VSTM2A: variants seen among roughly 807,000 people sequenced by gnomAD.
VSTM2A encodes the protein V-set and transmembrane domain containing 2A.
VSTM2A carries 13 observed loss-of-function variants against 27.3 expected under a neutral mutation model. The ratio of observed to expected loss-of-function variants is 0.48; its 90% confidence interval spans 0.31 to 0.76. VSTM2A has a LOEUF of 0.76. VSTM2A is among the 30% of genes least tolerant of loss of function. VSTM2A has a pLI of 0.05. For missense variants in VSTM2A, 280 were observed against 310.0 expected (o/e 0.90, Z 0.73); for synonymous variants, 142 against 125.7 (o/e 1.13, Z -0.87).
chr7:54,556,925 C>T (rs1325078926), intron 4 of VSTM2A: 2 of 152,206 alleles, frequency 1.3e-5, no homozygotes, highest in East Asian at 1.9e-4. Flanking sequence ...ACGGAATTTG[C>T]CAGTGTTCTA....
At chr7:54,565,771 T>G (rs958057399) in intron 4 of VSTM2A, among the ~76,000 whole-genome samples, 1 of 152,242 alleles carries the variant, frequency 6.6e-6, no homozygotes. Flanking sequence ...TGCTTTCTTT[T>G]TGTAATGAAA....
At chr7:54,547,054 C>G in intron 3 of VSTM2A, 57 bp downstream of exon 3, 1 of 1,505,044 alleles carries the variant, frequency 6.6e-7, no homozygotes, top group Admixed American at 2.1e-5. Context: ...ACAGCCCTTC[C>G]CTGTCCCCGA....
At chr7:54,568,285 AC>A (rs938760707) in intron 4 of VSTM2A, among the ~76,000 whole-genome samples, 4 of 152,116 alleles carry the variant, frequency 2.6e-5, no homozygotes, top group East Asian at 1.9e-4. Context: ...CCCCACACTT[AC>A]CCCCTTCGAA....
At chr7:54,546,820 C>CCTGGTCGCTCCCCTGTCCT (rs1251920239) in intron 2 of VSTM2A, 127 bp from the exon 3 acceptor site, 11 of 1,304,654 alleles carry the variant, frequency 8.4e-6, no homozygotes, top group Non-Finnish European at 1.1e-5. Flanking sequence ...TGGCCACGCC[C>CCTGGTCGCTCCCCTGTCCT]CTGGTCGCTC....
At chr7:54,555,634 A>G (rs1435443236) in intron 4 of VSTM2A, among the ~76,000 whole-genome samples, 2 of 152,200 alleles carry the variant, frequency 1.3e-5, no homozygotes, top group Non-Finnish European at 2.9e-5. Flanking sequence ...TTAGTGCTCA[A>G]AGTCACACAT....
intron 2 of VSTM2A, chr7:54,546,191 A>G (rs1787959213): frequency 1.3e-5 from 2 of 150,202 alleles, no homozygotes; most frequent in African/African-American, 2.5e-5. Context: ...AAAAGGAGAG[A>G]AGAGAGGAAG....
chr7:54,544,704 C>T lies in VSTM2A; in HGVS notation c.162C>T (p.Ser54=), dbSNP rs1307865485. The stretch of plus-strand genomic sequence containing the variant: ...TGTCCTGCGCCTTCCAGAGCGGCTC[C>T]GCCTCGGTGTATCTGGAGATCCAAT... ...VEMSCAFQSG[S]ASVYLEIQWW... Residue 54 remains serine (S), a synonymous_variant, in exon 2 of 5, where the codon TCC becomes TCT. Coordinates refer to ENST00000402613, the MANE Select transcript of VSTM2A (RefSeq NM_001301009.2). 19 of 1,612,676 alleles carry T rather than the reference C, an allele frequency of 1.2e-5. No homozygotes were observed. Among genetic ancestry groups the T allele is most frequent in the African/African-American group, 2.7e-5 (2 of 74,930 alleles).
chr7:54,544,507 A>G (rs529845495), intron 1 of VSTM2A, 115 bp from the exon 2 acceptor site: 2 of 1,297,974 alleles, frequency 1.5e-6, no homozygotes, highest in East Asian at 4.8e-5. Context: ...CCGAGGATGT[A>G]AGAGAGGGGT....
chr7:54,546,494 A>T (rs1485330398), intron 2 of VSTM2A, among the ~76,000 whole-genome samples: 1 of 151,324 alleles, frequency 6.6e-6, no homozygotes, highest in Non-Finnish European at 1.5e-5. Flanking sequence ...GTCCCGGAGC[A>T]CTTCACCTTC....
chr7:54,546,831 C>T (rs1584045731), intron 2 of VSTM2A, 116 bp from the exon 3 acceptor site: 1 of 1,421,548 alleles, frequency 7.0e-7, no homozygotes, highest in East Asian at 2.6e-5. Context: ...CTGGTCGCTC[C>T]CCTGTCCCCA....
At chr7:54,568,014 C>T (rs757619834) in intron 4 of VSTM2A, among the ~76,000 whole-genome samples, 1 of 152,168 alleles carries the variant, frequency 6.6e-6, no homozygotes. Flanking sequence ...TGGGTCTTCT[C>T]CAGTCACTAG....
intron 2 of VSTM2A, among the ~76,000 whole-genome samples, chr7:54,545,356 G>A (rs1455773963): frequency 6.7e-6 from 1 of 149,536 alleles, no homozygotes; most frequent in Non-Finnish European, 1.5e-5. Context: ...GAAAGGGGGA[G>A]ACCGGGAGAG....
chr7:54,547,238 G>C (rs945665100), intron 3 of VSTM2A: 6 of 433,258 alleles, frequency 1.4e-5, no homozygotes, highest in Admixed American at 1.3e-4. Flanking sequence ...GAGGTTGTGT[G>C]ACACTTTCTT....
At chr7:54,564,679 G>A (rs566280738) in intron 4 of VSTM2A, among the ~76,000 whole-genome samples, 1 of 152,206 alleles carries the variant, frequency 6.6e-6, no homozygotes, top group Admixed American at 6.5e-5. Flanking sequence ...ATGGCACTTT[G>A]ACCCATCAAT....
intron 4 of VSTM2A, among the ~76,000 whole-genome samples, chr7:54,563,599 C>T (rs1219800120): frequency 6.6e-6 from 1 of 152,136 alleles, no homozygotes; most frequent in Non-Finnish European, 1.5e-5. Flanking sequence ...AGCTGCAGAG[C>T]AGGGTTCTAA....
intron 3 of VSTM2A, 47 bp downstream of exon 3, chr7:54,547,044 A>T (rs998628666): frequency 2.6e-6 from 4 of 1,546,980 alleles, no homozygotes; most frequent in Non-Finnish European, 3.5e-6. Context: ...CTCGGGACGC[A>T]CAGCCCTTCC....
chr7:54,557,186 C>G (rs1374469318), intron 4 of VSTM2A: 1 of 152,272 alleles, frequency 6.6e-6, no homozygotes, highest in East Asian at 1.9e-4. Context: ...CAGGGACACA[C>G]TCCTCAGACC....
At chr7:54,565,475 T>C (rs1009469473) in intron 4 of VSTM2A, among the ~76,000 whole-genome samples, 16 of 152,056 alleles carry the variant, frequency 1.1e-4, no homozygotes, top group African/African-American at 3.9e-4. Context: ...AGGGAAAAAA[T>C]GGTAGCACAG....
intron 4 of VSTM2A, chr7:54,559,235 A>C (rs1483468366): frequency 6.6e-6 from 1 of 152,112 alleles, no homozygotes; most frequent in Non-Finnish European, 1.5e-5. Flanking sequence ...GATATAAAAT[A>C]TATAATCTTT....
Sources: allele counts gnomAD v4.1 joint callset (sites outside exome capture counted in the v4.1 genomes callset), GRCh38; gene constraint gnomAD v4.1.1; transcripts MANE v1.5; gene names NCBI Gene and HGNC (gene_info 2026-07-23, HGNC 2026-07-21).